FAF1: variants seen among roughly 807,000 people sequenced by gnomAD.
FAF1 encodes the protein Fas associated factor 1.
A neutral mutation model predicts 92.5 loss-of-function variants in FAF1; 25 were observed. The ratio of observed to expected loss-of-function variants is 0.27; its 90% CI spans 0.20 to 0.38. FAF1 has a LOEUF of 0.38. Ranked by LOEUF, FAF1 falls within the 10% of genes least tolerant of loss-of-function variation. The probability of loss-of-function intolerance (pLI) is 1.00; values close to 1 mark genes in which losing one functional copy is unlikely to be tolerated. For synonymous variants in FAF1, 234 were observed against 273.2 expected, an observed-to-expected ratio of 0.86 and a Z score of 1.42; for missense variants, 636 against 793.3, an observed-to-expected ratio of 0.80 and a Z score of 2.38.
intron 7 of FAF1, among the ~76,000 whole-genome samples, chr1:50,694,223 TATG>T (rs1419775563): frequency 6.6e-6 from 1 of 152,152 alleles, no homozygotes; most frequent in Non-Finnish European, 1.5e-5. Context: ...ATGCTTTTCT[TATG>T]ATGATAATTA....
Position 50,959,161 on chromosome 1 carries a change from G to T in FAF1, c.45+606C>A, listed in dbSNP as rs777870945. The stretch of plus-strand genomic sequence containing the variant: ...TATGAATAGGTAATTTATTAAGCTT[G>T]TGAATTCATTGCAGAGATACTCTGG... On this transcript the variant is annotated intron_variant, in intron 1 of 18. Coordinates refer to ENST00000396153, the MANE Select transcript of FAF1 (RefSeq NM_007051.3). Among the ~76,000 whole-genome samples the T allele has an allele frequency of 1.1e-4, 17 of 152,330 alleles. 1 individual carries two copies. The highest frequency in any genetic ancestry group is 5.2e-4 in the Admixed American group (8 of 15,300).
chr1:50,589,854 A>G (rs1482561207), intron 9 of FAF1, among the ~76,000 whole-genome samples: 3 of 152,196 alleles, frequency 2.0e-5, no homozygotes, highest in African/African-American at 4.8e-5. Flanking sequence ...TTAGTTTTGC[A>G]TATGATATTA....
rs886111701 is a variant in FAF1 at position 50,638,506 on chromosome 1, G to A, written c.744+16936C>T. ...GTTGCTCAGGCTGGAGTGCAGTGGCGCAATCTCCGCTCACTGCAACTTCTG... is the reference window on the plus strand; with the variant it reads ...GTTGCTCAGGCTGGAGTGCAGTGGCACAATCTCCGCTCACTGCAACTTCTG... On this transcript the variant is annotated intron_variant, in intron 8 of 18. Coordinates refer to ENST00000396153, the MANE Select transcript of FAF1 (RefSeq NM_007051.3). Among the ~76,000 whole-genome samples the A allele has an allele frequency of 9.4e-5, 14 of 148,580 alleles. No homozygotes were observed. In the South Asian group the frequency reaches 1.1e-3, roughly 11 times the overall value.
chr1:50,516,533 T>C (rs1422294038), intron 15 of FAF1, among the ~76,000 whole-genome samples: 1 of 152,194 alleles, frequency 6.6e-6, no homozygotes, highest in Non-Finnish European at 1.5e-5. Flanking sequence ...AACTAAACTA[T>C]ATTCAGTGGT....
At chr1:50,943,312 C>T in intron 1 of FAF1, among the ~76,000 whole-genome samples, 1 of 152,206 alleles carries the variant, frequency 6.6e-6, no homozygotes, top group Admixed American at 6.5e-5. Flanking sequence ...TAGAATCCCA[C>T]ACCCAAATAA....
At chr1:50,828,035 A>G (rs565049942) in intron 2 of FAF1, among the ~76,000 whole-genome samples, 17 of 152,298 alleles carry the variant, frequency 1.1e-4, no homozygotes, top group African/African-American at 3.6e-4. Flanking sequence ...ACAAAGACCC[A>G]AGAATATCCA....
chr1:50,634,039 A>G (rs1653904442), intron 8 of FAF1, among the ~76,000 whole-genome samples: 1 of 152,184 alleles, frequency 6.6e-6, no homozygotes, highest in Non-Finnish European at 1.5e-5. Context: ...TTTTTTAAAA[A>G]CTATATATAT....
rs1031549214 is a variant in FAF1 at position 50,444,183 on chromosome 1, T to C, written c.1870-2660A>G. On this transcript the variant is annotated intron_variant, in intron 18 of 18. Transcript: ENST00000396153. ...ACCTAGGGGGATGTAGGACATCATGTTTCTCCCCAGCAAGATGGTGGCCAT... is the reference window on the plus strand; with the variant it reads ...ACCTAGGGGGATGTAGGACATCATGCTTCTCCCCAGCAAGATGGTGGCCAT... Among the ~76,000 whole-genome samples the C allele has an allele frequency of 2.6e-5, 4 of 152,310 alleles. 1 individual carries two copies. Among genetic ancestry groups the C allele is most frequent in the Middle Eastern group, 6.8e-3 (2 of 294 alleles).
intron 2 of FAF1, among the ~76,000 whole-genome samples, chr1:50,826,857 C>T (rs1644103007): frequency 6.6e-6 from 1 of 152,178 alleles, no homozygotes; most frequent in Non-Finnish European, 1.5e-5. Context: ...AAAACCTTCT[C>T]ACAAAAAAAT....
At chr1:50,634,683 G>C (rs938698254) in intron 8 of FAF1, among the ~76,000 whole-genome samples, 1 of 152,132 alleles carries the variant, frequency 6.6e-6, no homozygotes, top group South Asian at 2.1e-4. Context: ...TTAGAATACT[G>C]GGCTAGCAGT....
chr1:50,944,504 C>T (rs1462503738), intron 1 of FAF1, among the ~76,000 whole-genome samples: 4 of 152,192 alleles, frequency 2.6e-5, no homozygotes, highest in Admixed American at 1.3e-4. Flanking sequence ...TATAACTTCA[C>T]CTTTTTCCCA....
At chr1:50,601,299 G>T (rs765895613) in intron 8 of FAF1, among the ~76,000 whole-genome samples, 1 of 152,164 alleles carries the variant, frequency 6.6e-6, no homozygotes, top group Non-Finnish European at 1.5e-5. Context: ...CTAACAAGTT[G>T]TTAGTAAAAC....
intron 6 of FAF1, among the ~76,000 whole-genome samples, chr1:50,716,525 A>G (rs1322814012): frequency 2.6e-5 from 4 of 152,194 alleles, no homozygotes; most frequent in Non-Finnish European, 1.5e-5. Flanking sequence ...AAATGCACCA[A>G]TCAGCACTCT....
intron 8 of FAF1, among the ~76,000 whole-genome samples, chr1:50,623,435 G>A (rs181390854): frequency 2.6e-5 from 4 of 151,916 alleles, no homozygotes; most frequent in Admixed American, 2.0e-4. Context: ...TGGGTGTGGC[G>A]GCGTGCACCT....
chr1:50,490,122 G>A (rs1187076912), intron 17 of FAF1, among the ~76,000 whole-genome samples: 1 of 152,170 alleles, frequency 6.6e-6, no homozygotes, highest in Non-Finnish European at 1.5e-5. Flanking sequence ...CACTTTGGAA[G>A]GCCAAGGCAG....
chr1:50,751,906 T>C (rs1293313586), intron 4 of FAF1, among the ~76,000 whole-genome samples: 4 of 152,224 alleles, frequency 2.6e-5, no homozygotes, highest in Non-Finnish European at 5.9e-5. Context: ...CTTCCTTAAA[T>C]ATTAGACAGA....
intron 18 of FAF1, among the ~76,000 whole-genome samples, chr1:50,447,185 G>A (rs1646238558): frequency 6.7e-6 from 1 of 148,548 alleles, no homozygotes; most frequent in Non-Finnish European, 1.5e-5. Context: ...GAGTGCAGGG[G>A]CACGATCTCG....
chr1:50,572,173 GATACA>G (rs1394841450), intron 12 of FAF1, among the ~76,000 whole-genome samples: 1 of 152,010 alleles, frequency 6.6e-6, no homozygotes, highest in Non-Finnish European at 1.5e-5. Flanking sequence ...TGGATACAAT[GATACA>G]ATAAACACCT....
chr1:50,616,139 G>T (rs1192268270), intron 8 of FAF1, among the ~76,000 whole-genome samples: 1 of 151,976 alleles, frequency 6.6e-6, no homozygotes. Flanking sequence ...TGTTTTGTTG[G>T]CCTTGTCAAA....
Sources: gnomAD v4.1 joint callset for allele counts (sites outside exome capture counted in the v4.1 genomes callset) on GRCh38, gnomAD v4.1.1 for gene constraint, MANE v1.5 for transcripts, NCBI Gene and HGNC (gene_info 2026-07-23, HGNC 2026-07-21) for gene names.